The following PTPRN2 variants were observed in gnomAD, a reference collection of about 807,000 sequenced individuals.
PTPRN2 encodes receptor-type tyrosine-protein phosphatase N2.
A neutral mutation model predicts 118.8 loss-of-function variants in PTPRN2; 74 were observed. That is an observed-to-expected ratio of 0.62 (90% CI 0.52 to 0.76). The LOEUF (loss-of-function observed/expected upper bound fraction) is 0.76, where lower values mean the gene tolerates loss of function less well. Among genes scored for constraint, PTPRN2 ranks in the 30% least tolerant of loss-of-function variants. The probability of loss-of-function intolerance (pLI) is 0.00; values close to 1 mark genes in which losing one functional copy is unlikely to be tolerated. For missense variants in PTPRN2, 1,481 were observed against 1,394.4 expected (o/e 1.06, Z -0.99); for synonymous variants, 641 against 608.0 (o/e 1.05, Z -0.80).
At position 157,744,297 on chromosome 7, in the gene PTPRN2, T is replaced by C. The variant is rs182620698; in HGVS notation, c.1789-61360A>G. Among the ~76,000 whole-genome samples, 694 of 152,132 alleles carry C rather than the reference T, an allele frequency of 4.6e-3. 12 individuals are homozygous for C. Among genetic ancestry groups the C allele is most frequent in the African/African-American group, 0.016 (661 of 41,508 alleles). On this transcript the variant is annotated intron_variant, in intron 12 of 22. Coordinates refer to ENST00000389418, the MANE Select transcript of PTPRN2 (RefSeq NM_002847.5). ...GTGAACACAGCAGCTCTCCCAGACA[T>C]CGAAGGAGATTCAAGGAGCCTGAAA...
intron 1 of PTPRN2, among the ~76,000 whole-genome samples, chr7:158,491,180 C>A (rs1365164613): frequency 6.6e-6 from 1 of 152,364 alleles, no homozygotes; most frequent in East Asian, 1.9e-4. Flanking sequence ...CAGCACAGAG[C>A]CTAGCAGGAC....
intron 6 of PTPRN2, among the ~76,000 whole-genome samples, chr7:158,163,286 TTC>T (rs1161809619): frequency 1.3e-5 from 2 of 151,518 alleles, no homozygotes; most frequent in Non-Finnish European, 2.9e-5. Context: ...GTTCTCAATA[TTC>T]TCTGTGTGTT....
intron 6 of PTPRN2, among the ~76,000 whole-genome samples, chr7:158,156,407 G>A (rs1302491557): frequency 6.6e-6 from 1 of 152,214 alleles, no homozygotes; most frequent in African/African-American, 2.4e-5. Context: ...GACAGGTAAC[G>A]CAGCTCACCG....
rs1563161108 is a variant in PTPRN2, at chr7:158,334,721, ACACCCACAC to A, written c.164-17798_164-17790del. Reference sequence around the variant, plus strand: ...ATAAGAGGTGACACCTGCAGACGTCACACCCACACTCTCACCATAAGAGGTGACGCCCGC... The same window carrying A: ...ATAAGAGGTGACACCTGCAGACGTCATCTCACCATAAGAGGTGACGCCCGC... On this transcript the variant is annotated intron_variant, in intron 2 of 22. Transcript: ENST00000389418. Among the ~76,000 whole-genome samples the A allele has an allele frequency of 1.1e-3, 42 of 37,684 alleles. 5 individuals are homozygous for A. Among genetic ancestry groups the A allele is most frequent in the Non-Finnish European group, 1.7e-3 (28 of 16,332 alleles). The allele number at this position is 37,684 out of a possible 152,430, so 24.7% of individuals were successfully genotyped here.
chr7:158,144,468 T>C (rs1819699052), intron 6 of PTPRN2, among the ~76,000 whole-genome samples: 1 of 152,130 alleles, frequency 6.6e-6, no homozygotes, highest in African/African-American at 2.4e-5. Context: ...TGAAACTCCA[T>C]CTCTACTAAA....
At chr7:157,650,931 G>A (rs1230756551) in intron 14 of PTPRN2, among the ~76,000 whole-genome samples, 1 of 152,250 alleles carries the variant, frequency 6.6e-6, no homozygotes, top group Non-Finnish European at 1.5e-5. Flanking sequence ...AAGGTGCACA[G>A]GCAGAGACAC....
At chr7:157,593,467 A>G (rs1354540081) in intron 17 of PTPRN2, among the ~76,000 whole-genome samples, 3 of 152,232 alleles carry the variant, frequency 2.0e-5, no homozygotes, top group Non-Finnish European at 4.4e-5. Context: ...AAGAACACAT[A>G]TTTGGGGGCA....
At chr7:157,841,906 G>T (rs74741583) in intron 12 of PTPRN2, among the ~76,000 whole-genome samples, 1 of 138,872 alleles carries the variant, frequency 7.2e-6, no homozygotes, top group Non-Finnish European at 1.6e-5. Context: ...TACAGTACCC[G>T]GGGACTGTGT....
intron 11 of PTPRN2, among the ~76,000 whole-genome samples, chr7:157,978,947 C>A (rs1802940000): frequency 6.6e-6 from 1 of 152,056 alleles, no homozygotes; most frequent in Non-Finnish European, 1.5e-5. Context: ...GTCTACGACA[C>A]CTGCCCAGCG....
intron 2 of PTPRN2, among the ~76,000 whole-genome samples, chr7:158,368,585 G>A (rs1809711407): frequency 6.6e-6 from 1 of 152,176 alleles, no homozygotes; most frequent in South Asian, 2.1e-4. Flanking sequence ...CACAGTAAAT[G>A]AGAAATGACA....
rs183736522 is a variant in PTPRN2 at position 157,914,558 on chromosome 7, C to T, written c.1724-15821G>A. On this transcript the variant is annotated intron_variant, in intron 11 of 22. Coordinates refer to ENST00000389418, the MANE Select transcript of PTPRN2 (RefSeq NM_002847.5). ...ATGGTGATAGAGTGTGCCTCTTCCC[C>T]GGCAATGGCTTTCCCAATAAAGTTG... 1.3e-4 allele frequency among the ~76,000 whole-genome samples: 20 copies of T among 151,454 alleles called. No individual in the cohort carries two copies. In the East Asian group the frequency reaches 2.5e-3, roughly 19 times the overall value.
chr7:158,184,753 C>T (rs1339808492), intron 5 of PTPRN2, among the ~76,000 whole-genome samples: 1 of 151,918 alleles, frequency 6.6e-6, no homozygotes, highest in Non-Finnish European at 1.5e-5. Flanking sequence ...CAGAGGGTTG[C>T]AGTGAGCCAA....
At position 157,609,754 on chromosome 7, in the gene PTPRN2, C is replaced by T. The variant is rs558486561; in HGVS notation, c.2345-5679G>A. On this transcript the variant is annotated intron_variant, in intron 15 of 22. Coordinates refer to ENST00000389418, the MANE Select transcript of PTPRN2 (RefSeq NM_002847.5). This position sits in a 1 kb window ranked among gnomAD's most constrained non-coding sequence, Gnocchi z 4.9. ...GCAATGAGGAGCAAGGCTGAGATGA[C>T]GGTGGACACGCACCCAACTGCGCAG... 9.8e-5 allele frequency among the ~76,000 whole-genome samples: 15 copies of T among 152,314 alleles called. No individual in the cohort carries two copies. In the East Asian group the frequency reaches 1.5e-3, roughly 16 times the overall value.
chr7:157,633,235 G>T (rs1357790079), intron 14 of PTPRN2, among the ~76,000 whole-genome samples: 2 of 151,872 alleles, frequency 1.3e-5, no homozygotes, highest in Non-Finnish European at 2.9e-5. Context: ...CCACCTCCTG[G>T]GTTCAAGCAA....
intron 15 of PTPRN2, among the ~76,000 whole-genome samples, chr7:157,606,353 T>G (rs1585098153): frequency 1.3e-5 from 2 of 150,664 alleles, no homozygotes; most frequent in South Asian, 2.1e-4. Context: ...AGCGTGGGGG[T>G]GGGGGTGGGG....
At chr7:157,876,885 C>T (rs148365210) in intron 12 of PTPRN2, among the ~76,000 whole-genome samples, 170 of 152,296 alleles carry the variant, frequency 1.1e-3, no homozygotes, top group African/African-American at 3.8e-3. Context: ...ACTAGGGACA[C>T]GCAGCTCGCC....
intron 2 of PTPRN2, among the ~76,000 whole-genome samples, chr7:158,396,827 C>A (rs1031929286): frequency 5.9e-5 from 9 of 152,246 alleles, no homozygotes; most frequent in Non-Finnish European, 1.3e-4. Context: ...GAATGCCAAG[C>A]AGCTCAGCAG....
At chr7:158,511,754 G>A (rs1265878646) in intron 1 of PTPRN2, among the ~76,000 whole-genome samples, 2 of 152,174 alleles carry the variant, frequency 1.3e-5, no homozygotes, top group African/African-American at 2.4e-5. Context: ...GGGTACAAAC[G>A]GGTTGTTCTC....
chr7:157,614,612 C>G (rs748455501), intron 15 of PTPRN2, among the ~76,000 whole-genome samples: 3 of 152,186 alleles, frequency 2.0e-5, no homozygotes, highest in Non-Finnish European at 4.4e-5. Context: ...AGCAATGGCG[C>G]TGTGGGCTGA....
Sources: allele counts gnomAD v4.1 joint callset (sites outside exome capture counted in the v4.1 genomes callset), GRCh38; gene constraint gnomAD v4.1.1; non-coding constraint Gnocchi (gnomAD v3.1); transcripts MANE v1.5; gene names NCBI Gene and HGNC (gene_info 2026-07-23, HGNC 2026-07-21).